The following ADH7 variants were observed in gnomAD, a reference collection of about 807,000 sequenced individuals.
ADH7 encodes the protein alcohol dehydrogenase 7 (class IV), mu or sigma polypeptide.
Under a neutral mutation model 34.4 loss-of-function variants are expected in ADH7, and 41 were observed. The observed-to-expected ratio is 1.19, with a 90% CI of 0.93 to 1.55. The LOEUF (loss-of-function observed/expected upper bound fraction) is 1.55, where lower values mean the gene tolerates loss of function less well. ADH7 is among the 40% of genes most tolerant of loss of function. ADH7 has a pLI of 0.00. For synonymous variants in ADH7, 180 were observed against 160.9 expected (o/e 1.12, Z -0.90); for missense variants, 540 against 461.2 (o/e 1.17, Z -1.56).
chr4:99,422,691 GA>G (rs1173746405), intron 5 of ADH7, among the ~76,000 whole-genome samples: 2 of 152,004 alleles, frequency 1.3e-5, no homozygotes, highest in Admixed American at 1.3e-4. Context: ...ATAAATTTTA[GA>G]AATTTGAATC....
At position 99,428,544 on chromosome 4, in the gene ADH7, C is replaced by T; in HGVS notation, c.207G>A (p.Glu69=). 1 of 1,613,920 alleles carries T rather than the reference C, an allele frequency of 6.2e-7. No individual in the cohort carries two copies. ...VSKFPVIVGH[E]ATGIVESIGE... is the part of the protein sequence containing the mutation. ...CAATGCTCTCTACAATCCCAGTTGC[C>T]TCATGTCCCACAATCACTGGAAACT... Residue 69 remains glutamate, a synonymous_variant, in exon 3 of 9, where the codon GAG becomes GAA. Coordinates refer to ENST00000437033, the MANE Select transcript of ADH7 (RefSeq NM_000673.7).
intron 8 of ADH7, among the ~76,000 whole-genome samples, chr4:99,413,967 T>C (rs1040529458): frequency 6.6e-6 from 1 of 152,066 alleles, no homozygotes; most frequent in African/African-American, 2.4e-5. Flanking sequence ...GGCGAAAAAA[T>C]ATTTCCAAGT....
chr4:99,420,869 A>G (rs1413227181), intron 5 of ADH7, 76 bp from the exon 6 acceptor site: 2 of 1,411,994 alleles, frequency 1.4e-6, no homozygotes, highest in Non-Finnish European at 1.9e-6. Flanking sequence ...CTCCAGTTAA[A>G]AACACAAATC....
chr4:99,425,084 G>A (rs565227605), intron 5 of ADH7, among the ~76,000 whole-genome samples: 20 of 151,872 alleles, frequency 1.3e-4, no homozygotes, highest in Non-Finnish European at 2.4e-4. Context: ...AGGAACAACC[G>A]GTACCAGCTG....
intron 3 of ADH7, 73 bp downstream of exon 3, chr4:99,428,419 T>C: frequency 6.7e-7 from 1 of 1,501,756 alleles, no homozygotes; most frequent in Non-Finnish European, 9.1e-7. Flanking sequence ...TAATTCCTAG[T>C]GTGTGCTATT....
At chr4:99,433,553 C>T (rs1347123784) in intron 1 of ADH7, among the ~76,000 whole-genome samples, 1 of 152,080 alleles carries the variant, frequency 6.6e-6, no homozygotes, top group East Asian at 1.9e-4. Context: ...AGTCCTAACC[C>T]CCCGTACCTC....
intron 7 of ADH7, 110 bp from the exon 8 acceptor site, chr4:99,415,726 A>G (rs993506056): frequency 8.5e-7 from 1 of 1,170,174 alleles, no homozygotes; most frequent in Non-Finnish European, 1.2e-6. Flanking sequence ...CCTGTGTTAG[A>G]TCATTCCCAG....
rs914724446 is a variant in ADH7 at position 99,412,976 on chromosome 4, G to T, written c.*172C>A. 2.8e-5 allele frequency: 15 copies of T among 530,036 alleles called. No individual in the cohort carries two copies. The highest frequency in any genetic ancestry group is 2.8e-4 in the African/African-American group (14 of 50,440). 32.8% of individuals were successfully genotyped at this position (530,036 alleles called of 1,614,324 possible). On this transcript the variant is annotated 3_prime_UTR_variant, in exon 9 of 9. Coordinates refer to ENST00000437033, the MANE Select transcript of ADH7 (RefSeq NM_000673.7). Reference sequence around the variant, plus strand: ...TATACTAATTCCCAGGTGCTCACAAGACTTTAAATGTTTATAAAGGTTAAT... The same window carrying T: ...TATACTAATTCCCAGGTGCTCACAATACTTTAAATGTTTATAAAGGTTAAT...
intron 7 of ADH7, among the ~76,000 whole-genome samples, chr4:99,416,199 C>A (rs140232798): frequency 6.6e-6 from 1 of 152,222 alleles, no homozygotes; most frequent in Non-Finnish European, 1.5e-5. Context: ...ATACCCACAT[C>A]TCCTTCCAGT....
intron 5 of ADH7, among the ~76,000 whole-genome samples, chr4:99,426,293 CA>C (rs1478452274): frequency 6.6e-6 from 1 of 151,700 alleles, no homozygotes; most frequent in Non-Finnish European, 1.5e-5. Context: ...AAAGGATCAA[CA>C]AAATTGATAG....
At chr4:99,424,700 G>A (rs1721758738) in intron 5 of ADH7, among the ~76,000 whole-genome samples, 2 of 152,032 alleles carry the variant, frequency 1.3e-5, no homozygotes, top group South Asian at 4.1e-4. Context: ...GTGTAAGAAT[G>A]CTTGTGATTT....
At chr4:99,415,075 T>C (rs962157339) in intron 8 of ADH7, among the ~76,000 whole-genome samples, 2 of 152,198 alleles carry the variant, frequency 1.3e-5, no homozygotes, top group Non-Finnish European at 2.9e-5. Flanking sequence ...CCTCATGCTG[T>C]TCTCATGATA....
chr4:99,424,011 G>T (rs954082265), intron 5 of ADH7, among the ~76,000 whole-genome samples: 1 of 151,738 alleles, frequency 6.6e-6, no homozygotes, highest in African/African-American at 2.4e-5. Context: ...TATGGTTTTA[G>T]GTCTAATGTT....
chr4:99,428,351 A>T, intron 3 of ADH7, 141 bp downstream of exon 3: 16 of 1,264,448 alleles, frequency 1.3e-5, no homozygotes, highest in Non-Finnish European at 1.8e-5. Flanking sequence ...AACATTACTC[A>T]GTAAAATCCA....
intron 8 of ADH7, 137 bp from the exon 9 acceptor site, chr4:99,413,309 C>A: frequency 1.1e-6 from 1 of 892,058 alleles, no homozygotes; most frequent in South Asian, 1.6e-5. Context: ...GGCTCAAAGT[C>A]CTTAACAATT....
At chr4:99,430,704 T>A (rs1171575399) in intron 1 of ADH7, among the ~76,000 whole-genome samples, 2 of 152,230 alleles carry the variant, frequency 1.3e-5, no homozygotes, top group South Asian at 2.1e-4. Flanking sequence ...GAAAATGTTA[T>A]GGGTTACAGT....
intron 7 of ADH7, among the ~76,000 whole-genome samples, chr4:99,417,405 G>A (rs999114779): frequency 6.6e-6 from 1 of 151,960 alleles, no homozygotes; most frequent in African/African-American, 2.4e-5. Flanking sequence ...CTCCTTCCTG[G>A]AATATTCTTT....
intron 7 of ADH7, among the ~76,000 whole-genome samples, chr4:99,418,196 A>G (rs1214971597): frequency 1.3e-5 from 2 of 152,212 alleles, no homozygotes; most frequent in Non-Finnish European, 2.9e-5. Flanking sequence ...TATAATATTT[A>G]TAGCTGCACT....
intron 6 of ADH7, among the ~76,000 whole-genome samples, chr4:99,419,981 A>T (rs1185537896): frequency 6.6e-6 from 1 of 152,150 alleles, no homozygotes; most frequent in Non-Finnish European, 1.5e-5. Context: ...TCTGTTTTAC[A>T]GGTCTAACTG....
Sources: allele counts gnomAD v4.1 joint callset (sites outside exome capture counted in the v4.1 genomes callset), GRCh38; gene constraint gnomAD v4.1.1; transcripts MANE v1.5; gene names NCBI Gene and HGNC (gene_info 2026-07-23, HGNC 2026-07-21).